The following CHCHD3 variants were observed in gnomAD, a reference collection of about 807,000 sequenced individuals.
The protein encoded by CHCHD3 is MICOS complex subunit MIC19.
In CHCHD3, 20 loss-of-function variants were observed where a neutral mutation model predicts 38.2. The ratio of observed to expected loss-of-function variants is 0.52; its 90% CI spans 0.37 to 0.76. The LOEUF (loss-of-function observed/expected upper bound fraction) is 0.76. CHCHD3 is among the 30% of genes least tolerant of loss of function. The pLI is 0.00. For synonymous variants in CHCHD3, 82 were observed against 100.0 expected (o/e 0.82, Z 1.07); for missense variants, 245 against 279.2 (o/e 0.88, Z 0.87).
At chr7:133,071,156 C>T (rs1356097408) in intron 1 of CHCHD3, among the ~76,000 whole-genome samples, 4 of 152,084 alleles carry the variant, frequency 2.6e-5, no homozygotes, top group Non-Finnish European at 4.4e-5. Context: ...TTTTTATTTT[C>T]TTTACAGCAC....
intron 5 of CHCHD3, among the ~76,000 whole-genome samples, chr7:132,862,064 T>TGATGGATG (rs10666936): frequency 0.046 from 6,638 of 145,740 alleles, 200 homozygotes; most frequent in African/African-American, 0.077. Flanking sequence ...TAATGTTTGC[T>TGATGGATG]GATGGATGGA....
At chr7:132,889,153 C>CA (rs562787931) in intron 4 of CHCHD3, among the ~76,000 whole-genome samples, 36 of 151,854 alleles carry the variant, frequency 2.4e-4, no homozygotes, top group South Asian at 4.2e-4. Context: ...ATTAACAATT[C>CA]AAAAAATTTA....
At chr7:132,844,750 C>T (rs1243733933) in intron 5 of CHCHD3, among the ~76,000 whole-genome samples, 1 of 152,204 alleles carries the variant, frequency 6.6e-6, no homozygotes, top group Non-Finnish European at 1.5e-5. Context: ...AAGACTTGCA[C>T]ATCCTTGTCA....
chr7:132,817,709 C>G (rs1326562696), intron 6 of CHCHD3, among the ~76,000 whole-genome samples: 5 of 151,908 alleles, frequency 3.3e-5, no homozygotes, highest in Admixed American at 3.3e-4. Flanking sequence ...AAAGAACCAG[C>G]ATCACACTGC....
intron 4 of CHCHD3, among the ~76,000 whole-genome samples, chr7:132,949,841 G>C (rs570192423): frequency 1.3e-5 from 2 of 152,138 alleles, no homozygotes; most frequent in South Asian, 2.1e-4. Context: ...TATTGGTAAG[G>C]CTACAAAGAT....
At chr7:132,816,450 T>G (rs1283228605) in intron 6 of CHCHD3, among the ~76,000 whole-genome samples, 1 of 152,242 alleles carries the variant, frequency 6.6e-6, no homozygotes, top group African/African-American at 2.4e-5. Context: ...GTCACTAGAT[T>G]GCCTTTATGA....
intron 5 of CHCHD3, among the ~76,000 whole-genome samples, chr7:132,853,865 C>T (rs1028365593): frequency 6.6e-6 from 1 of 152,120 alleles, no homozygotes; most frequent in Admixed American, 6.6e-5. Flanking sequence ...TCTTTCAAGT[C>T]TCCTGACTGG....
At chr7:132,960,508 TTTGAAGCAC>T (rs1562921951) in intron 4 of CHCHD3, among the ~76,000 whole-genome samples, 7 of 152,132 alleles carry the variant, frequency 4.6e-5, no homozygotes, top group Admixed American at 3.9e-4. Context: ...TAATAATCAG[TTTGAAGCAC>T]CAATACATTC....
At chr7:133,062,927 T>C (rs953498035) in intron 2 of CHCHD3, among the ~76,000 whole-genome samples, 6 of 152,110 alleles carry the variant, frequency 3.9e-5, no homozygotes, top group African/African-American at 1.4e-4. Context: ...ATCCGTTAAC[T>C]AGGAAATCAA....
intron 6 of CHCHD3, among the ~76,000 whole-genome samples, chr7:132,830,006 T>C (rs1807599698): frequency 6.6e-6 from 1 of 152,192 alleles, no homozygotes; most frequent in African/African-American, 2.4e-5. Context: ...AAATCTCTCT[T>C]GTTAATGTTT....
chr7:133,052,581 G>A (rs1010103230), intron 2 of CHCHD3, among the ~76,000 whole-genome samples: 1 of 152,120 alleles, frequency 6.6e-6, no homozygotes, highest in African/African-American at 2.4e-5. Flanking sequence ...AGTGACTAAC[G>A]AACTGTTAAA....
At chr7:132,902,406 T>A (rs1809692011) in intron 4 of CHCHD3, among the ~76,000 whole-genome samples, 1 of 152,154 alleles carries the variant, frequency 6.6e-6, no homozygotes, top group South Asian at 2.1e-4. Context: ...TAGCAAAGAC[T>A]TGGAACCAAC....
intron 4 of CHCHD3, among the ~76,000 whole-genome samples, chr7:132,966,361 G>T (rs546915037): frequency 2.7e-4 from 41 of 152,154 alleles, no homozygotes; most frequent in Non-Finnish European, 1.0e-4. Context: ...GCTGCCACCT[G>T]CCCCCATCGC....
At chr7:132,913,672 T>C (rs186531722) in intron 4 of CHCHD3, among the ~76,000 whole-genome samples, 2 of 152,320 alleles carry the variant, frequency 1.3e-5, no homozygotes, top group African/African-American at 4.8e-5. Flanking sequence ...ATGTCCAGGA[T>C]GAACAAGTGT....
intron 4 of CHCHD3, among the ~76,000 whole-genome samples, chr7:132,905,682 A>G (rs1452591357): frequency 6.6e-6 from 1 of 152,218 alleles, no homozygotes; most frequent in African/African-American, 2.4e-5. Flanking sequence ...ATGTTATTCC[A>G]AACATAACAT....
intron 2 of CHCHD3, among the ~76,000 whole-genome samples, chr7:133,056,173 C>T (rs989086795): frequency 2.6e-5 from 4 of 152,002 alleles, no homozygotes; most frequent in African/African-American, 9.7e-5. Flanking sequence ...AGGGTTAGAG[C>T]CATTTACTAT....
intron 5 of CHCHD3, among the ~76,000 whole-genome samples, chr7:132,854,104 A>G (rs1246807105): frequency 6.6e-6 from 1 of 152,170 alleles, no homozygotes; most frequent in Non-Finnish European, 1.5e-5. Flanking sequence ...AATTGGTACA[A>G]TTTACGGCAA....
chr7:132,843,120 C>A (rs1287751638), intron 5 of CHCHD3, among the ~76,000 whole-genome samples: 1 of 152,192 alleles, frequency 6.6e-6, no homozygotes, highest in Non-Finnish European at 1.5e-5. Context: ...TCACTGCAAC[C>A]TCCGCCTCCC....
At chr7:132,975,593 C>T (rs1475794083) in intron 3 of CHCHD3, among the ~76,000 whole-genome samples, 3 of 152,142 alleles carry the variant, frequency 2.0e-5, no homozygotes, top group Middle Eastern at 3.2e-3. Flanking sequence ...AAAATTCCAT[C>T]CCTGGTGCTT....
Sources: allele counts gnomAD v4.1 joint callset (sites outside exome capture counted in the v4.1 genomes callset), GRCh38; gene constraint gnomAD v4.1.1; transcripts MANE v1.5; gene names NCBI Gene and HGNC (gene_info 2026-07-23, HGNC 2026-07-21).